SCFD2: variants seen among roughly 807,000 people sequenced by gnomAD.
The protein encoded by SCFD2 is sec1 family domain containing 2.
In SCFD2, 54 loss-of-function variants were observed where a neutral mutation model predicts 58.9. That is an observed-to-expected ratio of 0.92 (90% CI 0.74 to 1.15). SCFD2 has a LOEUF of 1.15. SCFD2 is among the 50% of genes most tolerant of loss of function. The pLI, the probability that SCFD2 is intolerant of heterozygous loss-of-function variation, is 0.00. For missense variants in SCFD2, 805 were observed against 836.6 expected (o/e 0.96, Z 0.47); for synonymous variants, 321 against 335.9 (o/e 0.96, Z 0.49).
At chr4:53,099,069 C>T (rs1724750532) in intron 5 of SCFD2, among the ~76,000 whole-genome samples, 1 of 152,206 alleles carries the variant, frequency 6.6e-6, no homozygotes, top group Non-Finnish European at 1.5e-5. Flanking sequence ...ACACCCAGAA[C>T]AGTGTCTGGC....
At position 53,337,118 on chromosome 4, in the gene SCFD2, T is replaced by G. The variant is rs546909119; in HGVS notation, c.1007+15480A>C. On this transcript the variant is annotated intron_variant, in intron 2 of 8. Transcript: ENST00000401642. ...CAACAGAAATTTATTTTCTCACAGT[T>G]CTGGAAACTAGAAGTCCAAGATCAA... Among the ~76,000 whole-genome samples, 124 of 152,278 alleles carry G rather than the reference T, an allele frequency of 8.1e-4. 1 individual carries two copies. Among genetic ancestry groups the G allele is most frequent in the Admixed American group, 7.2e-4 (11 of 15,296 alleles).
At chr4:52,881,491 A>G (rs1052422875) in intron 8 of SCFD2, among the ~76,000 whole-genome samples, 5 of 152,214 alleles carry the variant, frequency 3.3e-5, no homozygotes, top group African/African-American at 1.2e-4. Flanking sequence ...GAATGTCTCT[A>G]GCTTGGTCAC....
chr4:53,218,348 C>G (rs1427939003), intron 4 of SCFD2, among the ~76,000 whole-genome samples: 1 of 152,146 alleles, frequency 6.6e-6, no homozygotes, highest in African/African-American at 2.4e-5. Flanking sequence ...TTTCTTTTTA[C>G]TCTTTTTTCT....
At chr4:53,362,311 G>C (rs62325970) in intron 1 of SCFD2, among the ~76,000 whole-genome samples, 14,192 of 152,174 alleles carry the variant, frequency 0.093, 1,135 homozygotes, top group South Asian at 0.28. Flanking sequence ...TGTTGTAAGA[G>C]GGGAGATCAG....
At chr4:52,948,387 T>G in intron 5 of SCFD2, 1 of 313,484 alleles carries the variant, frequency 3.2e-6, no homozygotes, top group South Asian at 2.7e-5. Flanking sequence ...GTGATTTCAG[T>G]CAAAGGGCCT....
chr4:53,260,907 T>C (rs1177048924), intron 4 of SCFD2, among the ~76,000 whole-genome samples: 3 of 152,162 alleles, frequency 2.0e-5, no homozygotes, highest in African/African-American at 7.2e-5. Context: ...TTGCTGCTTG[T>C]TGTTGGTCTG....
chr4:53,271,315 GCACA>G (rs143526060), intron 4 of SCFD2, among the ~76,000 whole-genome samples: 8 of 147,240 alleles, frequency 5.4e-5, no homozygotes, highest in Non-Finnish European at 9.0e-5. Flanking sequence ...ACACACACAC[GCACA>G]CACACACACA....
Position 53,365,713 on chromosome 4 carries a change from G to C in SCFD2, c.229C>G (p.Leu77Val), listed in dbSNP as rs745784407. 1 of 1,614,164 alleles carries C rather than the reference G, an allele frequency of 6.2e-7. No homozygotes were observed. The highest frequency in any genetic ancestry group is 8.5e-7 in the Non-Finnish European group (1 of 1,180,030). The change falls in exon 1 of 9, where the codon CTG becomes GTG. Residue 77 changes from leucine to valine, a missense_variant. Physicochemically the swap from Leu to Val is conservative, Grantham distance 32 (BLOSUM62 1). Coordinates refer to ENST00000401642, the MANE Select transcript of SCFD2 (RefSeq NM_152540.4). This position sits in a 1 kb window ranked among gnomAD's most constrained non-coding sequence, Gnocchi z 4.3. ...GAKQPKAVFV[L>V]SCLLKGRTVE... ...GTCCGGCCTTTCAGCAGGCAGCTCA[G>C]CACAAACACTGCCTTGGGCTGCTTG... is the stretch of plus-strand genomic sequence containing the variant.
chr4:53,237,785 T>TCCCG (rs1729698107), intron 4 of SCFD2, among the ~76,000 whole-genome samples: 1 of 59,848 alleles, frequency 1.7e-5, no homozygotes, highest in African/African-American at 7.2e-5. Flanking sequence ...CCCCCCCACC[T>TCCCG]CCATCCCGGA....
chr4:53,353,215 C>T (rs1258607604), intron 1 of SCFD2, among the ~76,000 whole-genome samples: 1 of 152,094 alleles, frequency 6.6e-6, no homozygotes, highest in Admixed American at 6.5e-5. Flanking sequence ...AGCTGCAGAC[C>T]TTCGCGGTGA....
At chr4:53,129,403 G>A (rs1725723703) in intron 5 of SCFD2, among the ~76,000 whole-genome samples, 2 of 152,250 alleles carry the variant, frequency 1.3e-5, no homozygotes, top group East Asian at 3.9e-4. Flanking sequence ...GCTTCTGTGG[G>A]AATTATATTA....
intron 5 of SCFD2, among the ~76,000 whole-genome samples, chr4:53,106,895 G>A (rs564890298): frequency 2.8e-4 from 42 of 152,166 alleles, no homozygotes; most frequent in Middle Eastern, 6.8e-3. Context: ...GATACCCCTC[G>A]AGAAGAGCAA....
Position 52,887,879 on chromosome 4 carries a change from C to T in SCFD2, c.1843-2013G>A, listed in dbSNP as rs187427499. Among the ~76,000 whole-genome samples, 14 of 151,100 alleles carry T rather than the reference C, an allele frequency of 9.3e-5. No homozygotes were observed. The East Asian group carries it at 1.2e-3, about 13-fold the overall frequency. On this transcript the variant is annotated intron_variant, in intron 7 of 8. Transcript: ENST00000401642. ...TGGCTCCCTTGCCTGATTATACCCA[C>T]GTCTCAACATCTTATTCTTTTTTTT...
chr4:53,005,320 C>T (rs187148626), intron 5 of SCFD2, among the ~76,000 whole-genome samples: 1 of 152,278 alleles, frequency 6.6e-6, no homozygotes, highest in East Asian at 1.9e-4. Context: ...GGAGAGTAAA[C>T]AGCAGTAACC....
Position 53,348,333 on chromosome 4 carries a change from T to A in SCFD2, c.1007+4265A>T, listed in dbSNP as rs191210375. Among the ~76,000 whole-genome samples, 4 of 152,380 alleles carry A rather than the reference T, an allele frequency of 2.6e-5. No individual in the cohort carries two copies. The East Asian group carries it at 7.7e-4, about 29-fold the overall frequency. ...AGGCACATTTGTTGCCAAGCACTTATTTGTTTTGCCTTTTAGTACTAACAT... is the reference window on the plus strand; with the variant it reads ...AGGCACATTTGTTGCCAAGCACTTAATTGTTTTGCCTTTTAGTACTAACAT... On this transcript the variant is annotated intron_variant, in intron 2 of 8. Coordinates refer to ENST00000401642, the MANE Select transcript of SCFD2 (RefSeq NM_152540.4).
intron 4 of SCFD2, among the ~76,000 whole-genome samples, chr4:53,158,837 C>T (rs980033867): frequency 5.3e-5 from 8 of 152,150 alleles, no homozygotes; most frequent in Non-Finnish European, 8.8e-5. Flanking sequence ...TTGCATTTGC[C>T]TCTGTGCTTT....
At chr4:53,306,158 G>C (rs1218001027) in intron 3 of SCFD2, among the ~76,000 whole-genome samples, 1 of 152,152 alleles carries the variant, frequency 6.6e-6, no homozygotes, top group African/African-American at 2.4e-5. Flanking sequence ...GGAAAGCCCA[G>C]GATACTGAAC....
At chr4:53,308,987 G>A (rs1249364824) in intron 3 of SCFD2, among the ~76,000 whole-genome samples, 1 of 151,996 alleles carries the variant, frequency 6.6e-6, no homozygotes, top group Non-Finnish European at 1.5e-5. Context: ...AAAAAAATTA[G>A]CCGGGCATGG....
At chr4:52,899,439 G>T (rs938017134) in intron 7 of SCFD2, among the ~76,000 whole-genome samples, 1 of 152,160 alleles carries the variant, frequency 6.6e-6, no homozygotes, top group African/African-American at 2.4e-5. Context: ...GAAATTCTGG[G>T]TTGAAAATTC....
Sources: allele counts gnomAD v4.1 joint callset (sites outside exome capture counted in the v4.1 genomes callset), GRCh38; gene constraint gnomAD v4.1.1; non-coding constraint Gnocchi (gnomAD v3.1); transcripts MANE v1.5; gene names NCBI Gene and HGNC (gene_info 2026-07-23, HGNC 2026-07-21).